Variants in DNAH2 observed in about 807,000 individuals in gnomAD.
DNAH2 encodes dynein axonemal heavy chain 2, also known as axonemal beta dynein heavy chain 2.
Under a neutral mutation model 523.5 loss-of-function variants are expected in DNAH2, and 323 were observed. The observed-to-expected ratio is 0.62, with a 90% CI of 0.56 to 0.68. The LOEUF is 0.68. Ranked by LOEUF, DNAH2 falls within the 30% of genes least tolerant of loss-of-function variation. The probability of loss-of-function intolerance (pLI) is 0.00; values close to 1 mark genes in which losing one functional copy is unlikely to be tolerated. For synonymous variants in DNAH2, 2,093 were observed against 2,177.4 expected (o/e 0.96, Z 1.08); for missense variants, 4,907 against 5,701.5 (o/e 0.86, Z 4.49).
rs2076442718 is a variant in DNAH2 at position 7,776,022 on chromosome 17, A to C, written c.4822-2A>C. On this transcript the variant is annotated splice_acceptor_variant, in intron 30 of 85. Transcript: ENST00000572933. LOFTEE classifies it high-confidence loss of function. ...CTGCCCTATTCTCCCACCTCCCCCC[A>C]GTCCTGGCTTGGCGATGTGGAACAG... is the stretch of plus-strand genomic sequence containing the variant. 6.2e-7 allele frequency: 1 copy of C among 1,613,570 alleles called. No individual in the cohort carries two copies. The highest frequency in any genetic ancestry group is 8.5e-7 in the Non-Finnish European group (1 of 1,179,680).
intron 63 of DNAH2, among the ~76,000 whole-genome samples, chr17:7,810,210 C>T (rs908799863): frequency 2.0e-4 from 30 of 151,324 alleles, no homozygotes; most frequent in African/African-American, 6.1e-4. Flanking sequence ...CCTACAGGCA[C>T]ACTCCACTAT....
At chr17:7,757,920 C>T (rs1010462124) in intron 13 of DNAH2, among the ~76,000 whole-genome samples, 2 of 152,128 alleles carry the variant, frequency 1.3e-5, no homozygotes. Context: ...CATGAGGGCT[C>T]CACCTTCATG....
chr17:7,826,499 G>A (rs2078021801), intron 77 of DNAH2, among the ~76,000 whole-genome samples: 1 of 150,852 alleles, frequency 6.6e-6, no homozygotes, highest in African/African-American at 2.4e-5. Flanking sequence ...AAGTTATAAA[G>A]GATCATGATT....
chr17:7,833,388 C>T lies in DNAH2; in HGVS notation c.13139C>T (p.Ser4380Phe), dbSNP rs767345556. ...CTCTCCTTTCCCCCAGGCATGTACT[C>T]CTGCCCCTGCTATTACTATCCCAAC... ...SRKKSAKGMY[S>F]CPCYYYPNRA... is the part of the protein sequence containing the mutation. Residue 4380 changes from serine (S) to phenylalanine (F), a missense_variant, in exon 86 of 86, where the codon TCC becomes TTC. Coordinates refer to ENST00000572933, the MANE Select transcript of DNAH2 (RefSeq NM_020877.5). The T allele has an allele frequency of 6.2e-7, 1 of 1,614,118 alleles. No individual in the cohort carries two copies. The highest frequency in any genetic ancestry group is 2.2e-5 in the East Asian group (1 of 44,880).
At position 7,776,117 on chromosome 17, in the gene DNAH2, A is replaced by T. The variant is rs751331152; in HGVS notation, c.4915A>T (p.Arg1639Trp). The part of the protein sequence containing the change: ...HLALRKFLNK[R>W]DKWVKEWAGQ... ...GGCCCTCAGGAAGTTCCTCAACAAG[A>T]GGGACAAATGGGTGAAGGAGTGGGC... The change falls in exon 31 of 86, where the codon AGG (arginine) becomes TGG (tryptophan). Residue 1639 changes from arginine to tryptophan, a missense_variant. Transcript: ENST00000572933. 1 of 1,613,916 alleles carries T rather than the reference A, an allele frequency of 6.2e-7. No individual in the cohort carries two copies. The highest frequency in any genetic ancestry group is 8.5e-7 in the Non-Finnish European group (1 of 1,179,884).
chr17:7,752,582 C>T (rs181740357), intron 12 of DNAH2, among the ~76,000 whole-genome samples: 2,542 of 152,036 alleles, frequency 0.017, 31 homozygotes, highest in Non-Finnish European at 0.026. Flanking sequence ...TGGTGGCGGG[C>T]GCCTGTAGTC....
intron 77 of DNAH2, among the ~76,000 whole-genome samples, chr17:7,825,514 A>G (rs1361870910): frequency 1.3e-5 from 2 of 152,068 alleles, no homozygotes; most frequent in East Asian, 3.9e-4. Flanking sequence ...TCCCTGACAC[A>G]TCACTCCTGC....
In DNAH2 at chr17:7,794,147, C is replaced by A. The variant is rs748097414; in HGVS notation, c.7570-107C>A. On this transcript the variant is annotated intron_variant, in intron 48 of 85. Coordinates refer to ENST00000572933, the MANE Select transcript of DNAH2 (RefSeq NM_020877.5). Reference sequence around the variant, plus strand: ...CATCCCGGTTCCTCTTCCCCTTTGTCCCTCCTCGCACTGTTTTCCTCCCAC... The same window carrying A: ...CATCCCGGTTCCTCTTCCCCTTTGTACCTCCTCGCACTGTTTTCCTCCCAC... 1.0e-4 allele frequency: 70 copies of A among 689,524 alleles called. 1 individual carries two copies. Among genetic ancestry groups the A allele is most frequent in the Admixed American group, 1.4e-4 (4 of 27,774 alleles). The allele number at this position is 689,524 out of a possible 1,614,324, so 42.7% of individuals were successfully genotyped here. A position where few individuals can be genotyped will look rare whatever the true frequency, so the allele number is the denominator to read the frequency against.
At chr17:7,824,823 T>C in intron 77 of DNAH2, 96 bp downstream of exon 77, 4 of 1,128,282 alleles carry the variant, frequency 3.5e-6, no homozygotes, top group Non-Finnish European at 3.6e-6. Context: ...AACAACATGA[T>C]TTGATTGTCC....
intron 56 of DNAH2, among the ~76,000 whole-genome samples, chr17:7,800,866 C>CAA (rs1206829305): frequency 1.7e-5 from 2 of 119,756 alleles, no homozygotes; most frequent in East Asian, 2.5e-4. Context: ...GACTCCGTCT[C>CAA]AAAAAAAAAA....
Position 7,792,787 on chromosome 17 carries a change from G to T in DNAH2, c.7276G>T (p.Ala2426Ser), listed in dbSNP as rs375485186. 9 of 1,614,146 alleles carry T rather than the reference G, an allele frequency of 5.6e-6. No homozygotes were observed. Among genetic ancestry groups the T allele is most frequent in the Non-Finnish European group, 7.6e-6 (9 of 1,180,024 alleles). ...GPVGTGKTSIAQSVLQSLPSS... is the reference protein window; with the variant it reads ...GPVGTGKTSISQSVLQSLPSS... ...CGTGGGGACTGGGAAGACCTCCATC[G>T]CCCAGAGCGTTCTGCAGTCCCTGCC... The change falls in exon 47 of 86, where the codon GCC becomes TCC. Residue 2426 changes from alanine to serine, a missense_variant. Coordinates refer to ENST00000572933, the MANE Select transcript of DNAH2 (RefSeq NM_020877.5).
Position 7,754,449 on chromosome 17 carries a change from C to A in DNAH2, c.1905-2642C>A. ...CCCGAAAATGGCACAGAAATGGTATCAAGAAACCGCGATCACAAAGATACA... is the reference window on the plus strand; with the variant it reads ...CCCGAAAATGGCACAGAAATGGTATAAAGAAACCGCGATCACAAAGATACA... On this transcript the variant is annotated intron_variant, in intron 12 of 85. Coordinates refer to ENST00000572933, the MANE Select transcript of DNAH2 (RefSeq NM_020877.5). The surrounding 1 kb of genome is among the most constrained non-coding windows in gnomAD (Gnocchi z 4.6). 1 of 674,282 alleles carries A rather than the reference C, an allele frequency of 1.5e-6. No homozygotes were observed. The highest frequency in any genetic ancestry group is 2.6e-6 in the Non-Finnish European group (1 of 383,616). 41.8% of individuals were successfully genotyped at this position (674,282 alleles called of 1,614,324 possible). A position where few individuals can be genotyped will look rare whatever the true frequency, so the allele number is the denominator to read the frequency against.
In DNAH2 at chr17:7,799,114, T is replaced by C; in HGVS notation, c.8571T>C (p.His2857=). 6.2e-7 allele frequency: 1 copy of C among 1,614,192 alleles called. No homozygotes were observed. The highest frequency in any genetic ancestry group is 8.5e-7 in the Non-Finnish European group (1 of 1,180,036). Reference sequence around the variant, plus strand: ...TGGCTTCTGTCCAGATCCAGTCGCATATCATAGACCAGGCCCGGGTGGAGC... The same window carrying C: ...TGGCTTCTGTCCAGATCCAGTCGCACATCATAGACCAGGCCCGGGTGGAGC... ...KPDEFEEIQS[H]IIDQARVEQV... is the part of the protein sequence containing the mutation. The change falls in exon 56 of 86, where the codon CAT becomes CAC. Residue 2857 remains histidine (H), a synonymous_variant. Coordinates refer to ENST00000572933, the MANE Select transcript of DNAH2 (RefSeq NM_020877.5).
rs1378774118 is a variant in DNAH2, at chr17:7,821,762, G to A, written c.11142+393G>A. 6.6e-6 allele frequency among the ~76,000 whole-genome samples: 1 copy of A among 152,054 alleles called. No homozygotes were observed. The highest frequency in any genetic ancestry group is 2.4e-5 in the African/African-American group (1 of 41,370). ...GCATCTACCGCTCTGGCTAGATCCAGCTCCTCTTCCCCTCTGTCCCTGCGC... is the reference window on the plus strand; with the variant it reads ...GCATCTACCGCTCTGGCTAGATCCAACTCCTCTTCCCCTCTGTCCCTGCGC... On this transcript the variant is annotated intron_variant, in intron 73 of 85. Coordinates refer to ENST00000572933, the MANE Select transcript of DNAH2 (RefSeq NM_020877.5). This position sits in a 1 kb window ranked among gnomAD's most constrained non-coding sequence, Gnocchi z 5.0.
rs1212772397 is a variant in DNAH2 at position 7,807,657 on chromosome 17, G to C, written c.9729+71G>C. 8 of 1,354,932 alleles carry C rather than the reference G, an allele frequency of 5.9e-6. No individual in the cohort carries two copies. The highest frequency in any genetic ancestry group is 8.3e-6 in the Non-Finnish European group (8 of 961,028). 83.9% of individuals were successfully genotyped at this position (1,354,932 alleles called of 1,614,324 possible). A position where few individuals can be genotyped will look rare whatever the true frequency, so the allele number is the denominator to read the frequency against. On this transcript the variant is annotated intron_variant, in intron 63 of 85. Coordinates refer to ENST00000572933, the MANE Select transcript of DNAH2 (RefSeq NM_020877.5). This position sits in a 1 kb window ranked among gnomAD's most constrained non-coding sequence, Gnocchi z 5.6. ...TTCTGGATTGCTTCATTAAGCATTTGTTTTCCCCCATCTAATTCTAGCCCC... is the reference window on the plus strand; with the variant it reads ...TTCTGGATTGCTTCATTAAGCATTTCTTTTCCCCCATCTAATTCTAGCCCC...
At chr17:7,777,748 C>T (rs2076495632) in intron 33 of DNAH2, 114 bp downstream of exon 33, 1 of 1,320,794 alleles carries the variant, frequency 7.6e-7, no homozygotes, top group Non-Finnish European at 1.1e-6. Context: ...AGTCCTGTCC[C>T]ACTACCCTAA....
intron 18 of DNAH2, among the ~76,000 whole-genome samples, chr17:7,762,647 A>C (rs1421476176): frequency 6.6e-6 from 1 of 151,658 alleles, no homozygotes; most frequent in East Asian, 2.0e-4. Context: ...TTTGCATAGG[A>C]TTTCAACAGG....
In DNAH2 at chr17:7,830,677, G is replaced by A. The variant is rs138339839; in HGVS notation, c.12065G>A (p.Ser4022Asn). 4.3e-5 allele frequency: 69 copies of A among 1,614,190 alleles called. No individual in the cohort carries two copies. The African/African-American group carries it at 7.3e-4, about 17-fold the overall frequency. The part of the protein sequence containing the change: ...SDFEVSENLL[S>N]LYLDEYEETP... ...GCCTAGGTGTCAGAAAACTTGCTGA[G>A]CCTCTATCTCGATGAGTACGAGGAG... The change falls in exon 79 of 86, where the codon AGC (serine) becomes AAC (asparagine). Residue 4022 changes from serine (S) to asparagine (N), a missense_variant. By Grantham distance (46) the Ser-to-Asn change is conservative. Transcript: ENST00000572933.
At chr17:7,802,875 G>A (rs913063593) in intron 58 of DNAH2, among the ~76,000 whole-genome samples, 2 of 147,824 alleles carry the variant, frequency 1.4e-5, no homozygotes, top group Non-Finnish European at 3.0e-5. Context: ...GTTTCACCAT[G>A]TTGGCCAGGC....
Sources: gnomAD v4.1 joint callset for allele counts (sites outside exome capture counted in the v4.1 genomes callset) on GRCh38, gnomAD v4.1.1 for gene constraint, Gnocchi (gnomAD v3.1) non-coding constraint, MANE v1.5 for transcripts, NCBI Gene and HGNC (gene_info 2026-07-23, HGNC 2026-07-21) for gene names.